The following WWOX variants were observed in gnomAD, a reference collection of about 807,000 sequenced individuals.
WWOX encodes the protein WW domain containing oxidoreductase.
In WWOX, 69 loss-of-function variants were observed where a neutral mutation model predicts 46.2. That is an observed-to-expected ratio of 1.49 (90% confidence interval 1.23 to 1.82). The LOEUF is 1.82. WWOX is among the 40% of genes most tolerant of loss of function. WWOX has a pLI of 0.00. For synonymous variants in WWOX, 359 were observed against 202.6 expected, an observed-to-expected ratio of 1.77 and a Z score of -6.56; for missense variants, 919 against 542.6, an observed-to-expected ratio of 1.69 and a Z score of -6.89.
At chr16:78,646,258 A>C (rs2046839403) in intron 8 of WWOX, among the ~76,000 whole-genome samples, 1 of 152,018 alleles carries the variant, frequency 6.6e-6, no homozygotes, top group Non-Finnish European at 1.5e-5. Context: ...GGGCTCCATC[A>C]ATCCTCTTGC....
chr16:79,122,459 C>T (rs2049656520), intron 8 of WWOX, among the ~76,000 whole-genome samples: 1 of 152,080 alleles, frequency 6.6e-6, no homozygotes. Flanking sequence ...TCTTTTTCTT[C>T]TTTTTCTGTT....
At chr16:78,508,628 G>A (rs1186856160) in intron 8 of WWOX, among the ~76,000 whole-genome samples, 5 of 152,164 alleles carry the variant, frequency 3.3e-5, no homozygotes, top group Non-Finnish European at 1.5e-5. Context: ...GCACAATGAT[G>A]TTGCTCATTT....
Position 78,310,058 on chromosome 16 carries a change from C to T in WWOX, c.517-76802C>T, listed in dbSNP as rs1288456708. Among the ~76,000 whole-genome samples the T allele has an allele frequency of 2.7e-5, 4 of 149,834 alleles. No individual in the cohort carries two copies. In the East Asian group the frequency reaches 7.8e-4, roughly 29 times the overall value. ...CATTATCTTCCCTTCCTCCTCCTTC[C>T]CCCTCCTTCCCCCTCTCTTTTTCCT... On this transcript the variant is annotated intron_variant, in intron 5 of 8. Transcript: ENST00000566780.
chr16:78,928,365 G>C (rs1001890811), intron 8 of WWOX, among the ~76,000 whole-genome samples: 8 of 151,596 alleles, frequency 5.3e-5, no homozygotes, highest in Admixed American at 5.3e-4. Flanking sequence ...ACCACGCCCG[G>C]CTAATTTTTT....
intron 8 of WWOX, among the ~76,000 whole-genome samples, chr16:78,530,138 G>A (rs1016172093): frequency 1.3e-5 from 2 of 152,190 alleles, no homozygotes; most frequent in East Asian, 1.9e-4. Context: ...TGGCAGGAAT[G>A]AACTCTGTAC....
intron 8 of WWOX, among the ~76,000 whole-genome samples, chr16:78,541,192 C>T (rs1236404651): frequency 6.6e-6 from 1 of 151,990 alleles, no homozygotes; most frequent in Non-Finnish European, 1.5e-5. Flanking sequence ...TAGACACGTA[C>T]GGCCGGGCGC....
At chr16:78,644,468 T>C (rs1285187874) in intron 8 of WWOX, among the ~76,000 whole-genome samples, 2 of 152,104 alleles carry the variant, frequency 1.3e-5, no homozygotes, top group Non-Finnish European at 2.9e-5. Context: ...CCTTATTTTT[T>C]TTTTCTTTTT....
At chr16:78,715,468 C>T (rs1373374457) in intron 8 of WWOX, among the ~76,000 whole-genome samples, 1 of 151,438 alleles carries the variant, frequency 6.6e-6, no homozygotes, top group African/African-American at 2.4e-5. Context: ...ACCCCACCCC[C>T]ACCCCTACCC....
intron 5 of WWOX, among the ~76,000 whole-genome samples, chr16:78,263,825 A>T (rs1034411572): frequency 2.0e-5 from 3 of 151,952 alleles, no homozygotes; most frequent in African/African-American, 4.8e-5. Context: ...AATGAAGCCA[A>T]CTCTCAGGCT....
chr16:78,140,746 C>G (rs1330228508), intron 4 of WWOX, among the ~76,000 whole-genome samples: 1 of 152,194 alleles, frequency 6.6e-6, no homozygotes, highest in East Asian at 1.9e-4. Flanking sequence ...TCGATGACCT[C>G]TGCAAAGGCC....
intron 8 of WWOX, among the ~76,000 whole-genome samples, chr16:78,654,999 C>G (rs569597328): frequency 1.6e-4 from 24 of 152,230 alleles, no homozygotes; most frequent in African/African-American, 5.8e-4. Context: ...ATCCAAATGT[C>G]TGAGTTTACA....
intron 5 of WWOX, among the ~76,000 whole-genome samples, chr16:78,372,999 C>G (rs1292326073): frequency 6.6e-6 from 1 of 152,138 alleles, no homozygotes; most frequent in Non-Finnish European, 1.5e-5. Flanking sequence ...AAGACTTTTG[C>G]AGGCTTATTT....
chr16:78,496,781 G>A (rs2084928726), intron 8 of WWOX, among the ~76,000 whole-genome samples: 1 of 152,186 alleles, frequency 6.6e-6, no homozygotes. Context: ...CAGGGAAATG[G>A]GAAGTGCATT....
intron 8 of WWOX, among the ~76,000 whole-genome samples, chr16:79,121,132 C>G (rs544615677): frequency 2.0e-5 from 3 of 152,294 alleles, no homozygotes; most frequent in Admixed American, 1.3e-4. Context: ...ATATCCAGAA[C>G]TATCGTATCA....
At chr16:79,164,365 T>A (rs780149239) in intron 8 of WWOX, among the ~76,000 whole-genome samples, 3 of 152,110 alleles carry the variant, frequency 2.0e-5, no homozygotes, top group Non-Finnish European at 4.4e-5. Context: ...CACTTCCACA[T>A]TGAGTGAATT....
intron 8 of WWOX, among the ~76,000 whole-genome samples, chr16:79,093,688 G>T (rs760659829): frequency 1.1e-4 from 16 of 152,164 alleles, no homozygotes; most frequent in African/African-American, 1.4e-4. Flanking sequence ...CACAGGCAGT[G>T]CTTCAGCCTT....
At chr16:78,758,476 C>T (rs942414532) in intron 8 of WWOX, among the ~76,000 whole-genome samples, 3 of 152,212 alleles carry the variant, frequency 2.0e-5, no homozygotes, top group Non-Finnish European at 2.9e-5. Context: ...TTTATTACCA[C>T]AGATTGGAAG....
Position 78,489,086 on chromosome 16 carries a change from A to T in WWOX, c.1056+56334A>T, listed in dbSNP as rs186055528. Among the ~76,000 whole-genome samples the T allele has an allele frequency of 1.6e-4, 25 of 152,244 alleles. No homozygotes were observed. The East Asian group carries it at 4.4e-3, about 27-fold the overall frequency. ...AGTTATCTGCTTACCTTTCTAGCTG[A>T]GATGAGATTTTATGCTTGTTACTAG... On this transcript the variant is annotated intron_variant, in intron 8 of 8. Coordinates refer to ENST00000566780, the MANE Select transcript of WWOX (RefSeq NM_016373.4).
Position 78,960,136 on chromosome 16 carries a change from A to G in WWOX, c.1057-251472A>G, listed in dbSNP as rs2046245469. The stretch of plus-strand genomic sequence containing the variant: ...GGGTTGTGCTGTGGCTCAGAGGCAG[A>G]GTAGACTGAGGAAGAACAGCTAATT... On this transcript the variant is annotated intron_variant, in intron 8 of 8. Transcript: ENST00000566780. Among the ~76,000 whole-genome samples the G allele has an allele frequency of 1.3e-5, 2 of 152,216 alleles. 1 individual carries two copies. The highest frequency in any genetic ancestry group is 3.9e-4 in the East Asian group (2 of 5,190).
Sources: gnomAD v4.1 joint callset for allele counts (sites outside exome capture counted in the v4.1 genomes callset) on GRCh38, gnomAD v4.1.1 for gene constraint, MANE v1.5 for transcripts, NCBI Gene and HGNC (gene_info 2026-07-23, HGNC 2026-07-21) for gene names.